CDH13: variants seen among roughly 807,000 people sequenced by gnomAD.
The protein encoded by CDH13 is cadherin 13, also known as cadherin-13.
Under a neutral mutation model 63.8 loss-of-function variants are expected in CDH13, and 24 were observed. The ratio of observed to expected loss-of-function variants is 0.38; its 90% CI spans 0.27 to 0.53. CDH13 has a LOEUF of 0.53. Among genes scored for constraint, CDH13 ranks in the 20% least tolerant of loss-of-function variants. The pLI, the probability that CDH13 is intolerant of heterozygous loss-of-function variation, is 0.85. For missense variants in CDH13, 1,049 were observed against 903.1 expected (o/e 1.16, Z -2.07); for synonymous variants, 503 against 355.3 (o/e 1.42, Z -4.67).
rs572442138 is a variant in CDH13 at position 83,348,899 on chromosome 16, G to A, written c.781+3893G>A. Among the ~76,000 whole-genome samples, 5 of 152,320 alleles carry A rather than the reference G, an allele frequency of 3.3e-5. No homozygotes were observed. The South Asian group carries it at 1.0e-3, about 32-fold the overall frequency. ...CAATTATTATTTTTATTCTGGAAGA[G>A]TACCCTTTAGCAAAGGTAAAGCAAA... On this transcript the variant is annotated intron_variant, in intron 6 of 13. Transcript: ENST00000567109.
chr16:82,714,262 A>C (rs2032185832), intron 1 of CDH13, among the ~76,000 whole-genome samples: 1 of 152,136 alleles, frequency 6.6e-6, no homozygotes. Context: ...CAAGTCTATT[A>C]AGTATTGAAT....
chr16:83,271,506 AAAAC>A (rs963225200), intron 5 of CDH13, among the ~76,000 whole-genome samples: 43 of 142,858 alleles, frequency 3.0e-4, no homozygotes, highest in Non-Finnish European at 5.3e-4. Context: ...TATTTAAAAA[AAAAC>A]AAAACAAAAC....
At chr16:83,619,979 T>C (rs1048985087) in intron 8 of CDH13, among the ~76,000 whole-genome samples, 1 of 151,344 alleles carries the variant, frequency 6.6e-6, no homozygotes, top group Non-Finnish European at 1.5e-5. Context: ...CAGAGCAACA[T>C]GAAAGAGTCA....
intron 7 of CDH13, among the ~76,000 whole-genome samples, chr16:83,536,619 G>A (rs1424870430): frequency 6.6e-6 from 1 of 152,180 alleles, no homozygotes; most frequent in South Asian, 2.1e-4. Context: ...AATCCTTAAA[G>A]TATATTAAGT....
chr16:83,683,129 A>G (rs1346041920), intron 10 of CDH13, among the ~76,000 whole-genome samples: 1 of 152,236 alleles, frequency 6.6e-6, no homozygotes, highest in Admixed American at 6.5e-5. Flanking sequence ...GTGACTACAA[A>G]GACAAGGGGT....
chr16:83,074,202 C>A (rs1453729035), intron 3 of CDH13, among the ~76,000 whole-genome samples: 1 of 152,170 alleles, frequency 6.6e-6, no homozygotes, highest in Non-Finnish European at 1.5e-5. Context: ...CTCTTTTTCT[C>A]CATATTTTAG....
At chr16:83,201,921 A>T (rs1012571515) in intron 4 of CDH13, among the ~76,000 whole-genome samples, 4 of 152,106 alleles carry the variant, frequency 2.6e-5, no homozygotes, top group African/African-American at 9.7e-5. Flanking sequence ...TCTCAAAAAT[A>T]AATAAAAAAG....
chr16:83,666,003 C>T (rs1474193337), intron 8 of CDH13, among the ~76,000 whole-genome samples: 1 of 152,118 alleles, frequency 6.6e-6, no homozygotes, highest in East Asian at 1.9e-4. Flanking sequence ...GATCATAAGC[C>T]CAGTACATAG....
intron 2 of CDH13, among the ~76,000 whole-genome samples, chr16:82,925,530 G>A (rs1025760634): frequency 2.0e-5 from 3 of 152,204 alleles, no homozygotes; most frequent in Admixed American, 6.5e-5. Context: ...TGCACTAGCT[G>A]CAGAGGAGGT....
intron 7 of CDH13, among the ~76,000 whole-genome samples, chr16:83,551,620 C>G (rs1372367000): frequency 6.6e-6 from 1 of 152,184 alleles, no homozygotes; most frequent in Non-Finnish European, 1.5e-5. Flanking sequence ...GGCTGGACAT[C>G]CAAGCTTCTC....
At chr16:82,706,820 A>G (rs558281717) in intron 1 of CDH13, among the ~76,000 whole-genome samples, 1 of 152,096 alleles carries the variant, frequency 6.6e-6, no homozygotes, top group Non-Finnish European at 1.5e-5. Context: ...AAAATAAAAT[A>G]AAAAAGAAGT....
chr16:83,609,883 C>T (rs1908697510), intron 8 of CDH13, among the ~76,000 whole-genome samples: 1 of 152,136 alleles, frequency 6.6e-6, no homozygotes, highest in Non-Finnish European at 1.5e-5. Flanking sequence ...CCCCATTGCC[C>T]ATTCCCCCAC....
intron 3 of CDH13, among the ~76,000 whole-genome samples, chr16:83,081,613 A>C (rs1253247377): frequency 1.3e-5 from 2 of 152,112 alleles, no homozygotes; most frequent in African/African-American, 2.4e-5. Context: ...AGGTACCAGC[A>C]GGGTAGGGTT....
chr16:83,477,348 C>A (rs984461382), intron 6 of CDH13, among the ~76,000 whole-genome samples: 1 of 152,186 alleles, frequency 6.6e-6, no homozygotes, highest in Non-Finnish European at 1.5e-5. Flanking sequence ...AGAAGCGAAG[C>A]CTGTTGCATT....
At chr16:82,763,122 G>T (rs550841026) in intron 1 of CDH13, among the ~76,000 whole-genome samples, 1 of 152,136 alleles carries the variant, frequency 6.6e-6, no homozygotes, top group African/African-American at 2.4e-5. Context: ...GTACCGCAGG[G>T]CCTTTGTATG....
In CDH13 at chr16:83,176,970, C is replaced by T. The variant is rs143766803; in HGVS notation, c.484-40375C>T. ...AGGAATGGCAACTAGAAAGTTTTTA[C>T]CCCGGATGCCATGATGAGGCACTGC... is the stretch of plus-strand genomic sequence containing the variant. On this transcript the variant is annotated intron_variant, in intron 4 of 13. Coordinates refer to ENST00000567109, the MANE Select transcript of CDH13 (RefSeq NM_001257.5). Among the ~76,000 whole-genome samples, 36 of 152,164 alleles carry T rather than the reference C, an allele frequency of 2.4e-4. 1 individual carries two copies. The East Asian group carries it at 7.0e-3, about 29-fold the overall frequency.
chr16:83,536,774 G>A (rs1384465750), intron 7 of CDH13, among the ~76,000 whole-genome samples: 1 of 152,210 alleles, frequency 6.6e-6, no homozygotes, highest in African/African-American at 2.4e-5. Flanking sequence ...AGGTGGTAGA[G>A]ATGGGGAGAA....
chr16:82,781,760 G>A (rs970477040), intron 1 of CDH13, among the ~76,000 whole-genome samples: 45 of 152,082 alleles, frequency 3.0e-4, no homozygotes, highest in African/African-American at 1.1e-3. Flanking sequence ...ACAAAAATCA[G>A]TTGGCAAAAC....
chr16:83,000,586 TTTTTG>T (rs996340311), intron 2 of CDH13, among the ~76,000 whole-genome samples: 4 of 149,578 alleles, frequency 2.7e-5, no homozygotes, highest in Admixed American at 1.3e-4. Context: ...TTTTTTTTTT[TTTTTG>T]TTTTGTTTTG....
Sources: allele counts gnomAD v4.1 joint callset (sites outside exome capture counted in the v4.1 genomes callset), GRCh38; gene constraint gnomAD v4.1.1; transcripts MANE v1.5; gene names NCBI Gene and HGNC (gene_info 2026-07-23, HGNC 2026-07-21).